The following PTPRG variants were observed in gnomAD, a reference collection of about 807,000 sequenced individuals.
The protein encoded by PTPRG is protein tyrosine phosphatase receptor type G, also known as receptor-type tyrosine-protein phosphatase gamma.
In PTPRG, 102 loss-of-function variants were observed where a neutral mutation model predicts 165.3. The observed-to-expected ratio is 0.62, with a 90% CI of 0.53 to 0.73. The LOEUF (loss-of-function observed/expected upper bound fraction) is 0.73. Among genes scored for constraint, PTPRG ranks in the 30% least tolerant of loss-of-function variants. The pLI is 0.00. For missense variants in PTPRG, 1,866 were observed against 1,861.4 expected (o/e 1.00, Z -0.05); for synonymous variants, 675 against 669.5 (o/e 1.01, Z -0.13).
intron 3 of PTPRG, among the ~76,000 whole-genome samples, chr3:61,990,050 G>A (rs1051030386): frequency 1.3e-5 from 2 of 151,474 alleles, no homozygotes; most frequent in Admixed American, 1.3e-4. Context: ...TAGACCTAGG[G>A]TAGTAGTGAT....
intron 2 of PTPRG, among the ~76,000 whole-genome samples, chr3:61,850,735 C>T (rs1044353740): frequency 5.9e-5 from 9 of 152,110 alleles, no homozygotes; most frequent in South Asian, 2.1e-4. Flanking sequence ...CATCTGTCTT[C>T]GTGCATCCTT....
At chr3:62,071,208 A>G (rs1209925809) in intron 4 of PTPRG, among the ~76,000 whole-genome samples, 1 of 152,098 alleles carries the variant, frequency 6.6e-6, no homozygotes, top group Non-Finnish European at 1.5e-5. Flanking sequence ...CTGTTTCCTT[A>G]CTTACTCCGT....
intron 15 of PTPRG, among the ~76,000 whole-genome samples, chr3:62,247,155 G>GT (rs1701305174): frequency 6.6e-6 from 1 of 152,098 alleles, no homozygotes; most frequent in South Asian, 2.1e-4. Context: ...ATAGAGACAG[G>GT]TACAGTTGAC....
chr3:61,775,111 C>A (rs2034331682), intron 2 of PTPRG, among the ~76,000 whole-genome samples: 1 of 152,130 alleles, frequency 6.6e-6, no homozygotes, highest in South Asian at 2.1e-4. Flanking sequence ...TACTCTGTCT[C>A]CCAGACTGGA....
At chr3:61,849,019 C>G (rs1003638933) in intron 2 of PTPRG, among the ~76,000 whole-genome samples, 3 of 152,166 alleles carry the variant, frequency 2.0e-5, no homozygotes, top group African/African-American at 7.2e-5. Context: ...AAACATTGTT[C>G]AAACCTAAAT....
intron 5 of PTPRG, among the ~76,000 whole-genome samples, chr3:62,080,235 A>AT (rs3068435): frequency 0.16 from 23,010 of 146,196 alleles, 4,258 homozygotes; most frequent in African/African-American, 0.45. Flanking sequence ...TGCCCAGCTA[A>AT]TTTTTTTTTT....
intron 1 of PTPRG, among the ~76,000 whole-genome samples, chr3:61,592,878 G>C (rs2106826353): frequency 6.6e-6 from 1 of 152,182 alleles, no homozygotes; most frequent in South Asian, 2.1e-4. Flanking sequence ...CTTGGGGCAT[G>C]GCCCCATCCT....
chr3:61,999,606 AT>A (rs886781696), intron 3 of PTPRG, among the ~76,000 whole-genome samples: 4 of 152,106 alleles, frequency 2.6e-5, no homozygotes, highest in Non-Finnish European at 5.9e-5. Context: ...TTTAGATTAA[AT>A]TTTATTTGTA....
chr3:61,780,610 AG>A (rs750950088), intron 2 of PTPRG, among the ~76,000 whole-genome samples: 2 of 152,206 alleles, frequency 1.3e-5, no homozygotes, highest in African/African-American at 2.4e-5. Flanking sequence ...GTTGGGCAAC[AG>A]GGAGCCTGCA....
intron 16 of PTPRG, chr3:62,261,185 C>A (rs1021910384): frequency 1.3e-5 from 2 of 152,188 alleles, no homozygotes; most frequent in African/African-American, 4.8e-5. Flanking sequence ...GATACCTGAA[C>A]AACTCAACCC....
At chr3:62,221,494 C>T (rs57851123) in intron 13 of PTPRG, among the ~76,000 whole-genome samples, 12,418 of 152,186 alleles carry the variant, frequency 0.082, 659 homozygotes, top group East Asian at 0.28. Flanking sequence ...ATTATTAATG[C>T]GAAAGAAGAA....
chr3:61,814,179 G>A (rs1371872664), intron 2 of PTPRG, among the ~76,000 whole-genome samples: 1 of 152,218 alleles, frequency 6.6e-6, no homozygotes, highest in Non-Finnish European at 1.5e-5. Flanking sequence ...GGGATTACAG[G>A]CGTGAGCCAC....
chr3:62,016,011 T>C (rs995825878), intron 4 of PTPRG, among the ~76,000 whole-genome samples: 1 of 152,160 alleles, frequency 6.6e-6, no homozygotes, highest in Non-Finnish European at 1.5e-5. Flanking sequence ...AGATCAGTTT[T>C]CACTGCATAA....
At chr3:61,698,669 T>C (rs2030751726) in intron 1 of PTPRG, among the ~76,000 whole-genome samples, 1 of 152,228 alleles carries the variant, frequency 6.6e-6, no homozygotes. Context: ...AGGTTTTGTT[T>C]ATGTGGATCA....
intron 8 of PTPRG, among the ~76,000 whole-genome samples, chr3:62,174,739 T>A (rs1576096217): frequency 6.6e-6 from 1 of 152,386 alleles, no homozygotes; most frequent in East Asian, 1.9e-4. Context: ...TCATTTCTAC[T>A]CACCAGATTA....
At chr3:61,583,888 C>G (rs1198224658) in intron 1 of PTPRG, among the ~76,000 whole-genome samples, 1 of 152,080 alleles carries the variant, frequency 6.6e-6, no homozygotes, top group East Asian at 1.9e-4. Context: ...CCTACGTTAA[C>G]CAAGGGTTGA....
At chr3:61,835,766 C>T (rs2036438799) in intron 2 of PTPRG, among the ~76,000 whole-genome samples, 1 of 151,946 alleles carries the variant, frequency 6.6e-6, no homozygotes, top group South Asian at 2.1e-4. Flanking sequence ...GGGCCGGGCA[C>T]AGTGGCTCAC....
chr3:62,288,133 C>T (rs1702739493), intron 28 of PTPRG, among the ~76,000 whole-genome samples: 1 of 142,056 alleles, frequency 7.0e-6, no homozygotes, highest in Admixed American at 7.1e-5. Flanking sequence ...TGGAGCCAAA[C>T]TGTACTTAAA....
chr3:61,740,567 G>A (rs571775238), intron 1 of PTPRG, among the ~76,000 whole-genome samples: 13 of 152,034 alleles, frequency 8.6e-5, no homozygotes, highest in African/African-American at 3.1e-4. Flanking sequence ...TCTGCCCTTT[G>A]TAACTGACAC....
Sources: gnomAD v4.1 joint callset for allele counts (sites outside exome capture counted in the v4.1 genomes callset) on GRCh38, gnomAD v4.1.1 for gene constraint, MANE v1.5 for transcripts, NCBI Gene and HGNC (gene_info 2026-07-23, HGNC 2026-07-21) for gene names.